The following ADAM2 variants were observed in gnomAD, a reference collection of about 807,000 sequenced individuals.
ADAM2 encodes the protein ADAM metallopeptidase domain 2, also known as disintegrin and metalloproteinase domain-containing protein 2.
Under a neutral mutation model 99.3 loss-of-function variants are expected in ADAM2, and 101 were observed. The observed-to-expected ratio is 1.02, with a 90% CI of 0.87 to 1.20. The LOEUF (loss-of-function observed/expected upper bound fraction) is 1.20. Among genes scored for constraint, ADAM2 ranks in the 50% most tolerant of loss-of-function variants. The pLI is 0.00. For missense variants in ADAM2, 948 were observed against 878.7 expected (o/e 1.08, Z -1.00); for synonymous variants, 323 against 287.6 (o/e 1.12, Z -1.25).
intron 19 of ADAM2, among the ~76,000 whole-genome samples, chr8:39,746,226 C>T (rs201976): frequency 0.58 from 88,245 of 151,800 alleles, 25,857 homozygotes; most frequent in East Asian, 0.86. Context: ...GGGGTTTCAT[C>T]ATGTTGCCCA....
chr8:39,762,095 A>C (rs1036603592), intron 14 of ADAM2, among the ~76,000 whole-genome samples: 7 of 152,046 alleles, frequency 4.6e-5, no homozygotes, highest in African/African-American at 1.7e-4. Flanking sequence ...AAGGAAAAAG[A>C]AAAAAAAGCT....
intron 6 of ADAM2, among the ~76,000 whole-genome samples, chr8:39,810,501 G>T (rs1319392360): frequency 1.3e-5 from 2 of 152,066 alleles, no homozygotes; most frequent in Non-Finnish European, 2.9e-5. Context: ...GCACCACATC[G>T]CACTTATTCC....
chr8:39,808,567 G>C (rs1041144892), intron 7 of ADAM2, among the ~76,000 whole-genome samples: 2 of 152,118 alleles, frequency 1.3e-5, no homozygotes, highest in African/African-American at 2.4e-5. Context: ...AAATGGATAA[G>C]GTGGTCTTAA....
chr8:39,756,735 C>A (rs1802164511), intron 15 of ADAM2, among the ~76,000 whole-genome samples: 1 of 152,294 alleles, frequency 6.6e-6, no homozygotes, highest in Middle Eastern at 3.4e-3. Flanking sequence ...CCTGAAGTGG[C>A]CAGGAGTCAT....
At chr8:39,776,296 A>G (rs1193738060) in intron 11 of ADAM2, among the ~76,000 whole-genome samples, 1 of 152,136 alleles carries the variant, frequency 6.6e-6, no homozygotes, top group Non-Finnish European at 1.5e-5. Context: ...AGAGCCTGAG[A>G]CAAGAACTTA....
At chr8:39,819,565 G>A (rs936603950) in intron 6 of ADAM2, among the ~76,000 whole-genome samples, 13 of 152,094 alleles carry the variant, frequency 8.5e-5, no homozygotes, top group African/African-American at 2.2e-4. Context: ...AGTTGGTAAA[G>A]CTCTAGTAAA....
Position 39,820,961 on chromosome 8 carries a change from G to A in ADAM2, c.513+41C>T, listed in dbSNP as rs111488020. 9.8e-6 allele frequency: 13 copies of A among 1,322,710 alleles called. No individual in the cohort carries two copies. In the African/African-American group the frequency reaches 1.2e-4, roughly 12 times the overall value. The allele number at this position is 1,322,710 out of a possible 1,614,324, so 81.9% of individuals were successfully genotyped here. A position where few individuals can be genotyped will look rare whatever the true frequency, so the allele number is the denominator to read the frequency against. On this transcript the variant is annotated intron_variant, in intron 6 of 20. Coordinates refer to ENST00000265708, the MANE Select transcript of ADAM2 (RefSeq NM_001464.5). ...TATAAATTTCAGTGCTTACATTGCT[G>A]TATAGTAATAACCATAGAGTTTGTT...
At chr8:39,813,823 C>T (rs984554556) in intron 6 of ADAM2, among the ~76,000 whole-genome samples, 4 of 151,794 alleles carry the variant, frequency 2.6e-5, no homozygotes, top group Non-Finnish European at 4.4e-5. Flanking sequence ...ATGTAAATGA[C>T]GAGTTAATGG....
intron 16 of ADAM2, among the ~76,000 whole-genome samples, 187 bp downstream of exon 16, chr8:39,755,541 G>A (rs1802114925): frequency 2.6e-5 from 4 of 152,084 alleles, no homozygotes; most frequent in African/African-American, 4.8e-5. Flanking sequence ...CGGGTGTGGT[G>A]GTACCACCTG....
Position 39,824,818 on chromosome 8 carries a change from C to T in ADAM2, c.267+1G>A. 6.6e-7 allele frequency: 1 copy of T among 1,509,736 alleles called. No individual in the cohort carries two copies. Among genetic ancestry groups the T allele is most frequent in the Non-Finnish European group, 9.1e-7 (1 of 1,093,248 alleles). The allele number at this position is 1,509,736 out of a possible 1,614,324, so 93.5% of individuals were successfully genotyped here. On this transcript the variant is annotated splice_donor_variant, in intron 4 of 20. Coordinates refer to ENST00000265708, the MANE Select transcript of ADAM2 (RefSeq NM_001464.5). LOFTEE classifies it high-confidence loss of function. ...AATAAAAGAGATCATAAAAAACATA[C>T]CTGAAAATCTTGGTCAAGTGGTTTC...
chr8:39,834,024 A>G, intron 2 of ADAM2, 25 bp from the exon 3 acceptor site: 2 of 1,438,212 alleles, frequency 1.4e-6, no homozygotes, highest in Non-Finnish European at 1.9e-6. Flanking sequence ...CAGTAAAAAT[A>G]CAAAGAAAAT....
chr8:39,746,926 G>T (rs1208523567), intron 18 of ADAM2, among the ~76,000 whole-genome samples: 2 of 152,066 alleles, frequency 1.3e-5, no homozygotes, highest in Non-Finnish European at 2.9e-5. Flanking sequence ...TTCCTTGTTT[G>T]AATTTGGCAT....
At chr8:39,758,215 G>C (rs972973382) in intron 15 of ADAM2, among the ~76,000 whole-genome samples, 1 of 151,994 alleles carries the variant, frequency 6.6e-6, no homozygotes, top group East Asian at 1.9e-4. Context: ...TGACTGACAG[G>C]CTTGAGAGGT....
chr8:39,786,963 C>T lies in ADAM2; in HGVS notation c.891+11G>A, dbSNP rs764381520. The T allele has an allele frequency of 1.3e-6, 2 of 1,565,950 alleles. No homozygotes were observed. The highest frequency in any genetic ancestry group is 8.7e-7 in the Non-Finnish European group (1 of 1,150,838). On this transcript the variant is annotated intron_variant, in intron 10 of 20. Transcript: ENST00000265708. The stretch of plus-strand genomic sequence containing the variant: ...TATGTAGCATACTTTCTATACATAA[C>T]CATACCATACCAGAACAACACCTCC...
intron 11 of ADAM2, 64 bp from the exon 12 acceptor site, chr8:39,769,639 T>C (rs768440418): frequency 2.4e-4 from 272 of 1,132,646 alleles, no homozygotes; most frequent in Non-Finnish European, 3.3e-4. Flanking sequence ...ACCCTTAGAA[T>C]AAACCTATAC....
chr8:39,754,464 G>A (rs75433946), intron 16 of ADAM2, among the ~76,000 whole-genome samples: 2,252 of 152,168 alleles, frequency 0.015, 63 homozygotes, highest in African/African-American at 0.052. Flanking sequence ...CTCACATAAC[G>A]TATTTTAGCC....
intron 6 of ADAM2, among the ~76,000 whole-genome samples, chr8:39,810,018 T>G (rs1804627048): frequency 6.6e-6 from 1 of 152,140 alleles, no homozygotes; most frequent in Non-Finnish European, 1.5e-5. Flanking sequence ...GACCCATCAG[T>G]GTGCTGTATT....
chr8:39,771,856 TGCAA>T (rs1307229074), intron 11 of ADAM2, among the ~76,000 whole-genome samples: 1 of 151,994 alleles, frequency 6.6e-6, no homozygotes, highest in Non-Finnish European at 1.5e-5. Context: ...AACCAGGCAA[TGCAA>T]GATACATTTA....
At chr8:39,778,293 T>C (rs1422252959) in intron 10 of ADAM2, among the ~76,000 whole-genome samples, 1 of 152,012 alleles carries the variant, frequency 6.6e-6, no homozygotes, top group African/African-American at 2.4e-5. Flanking sequence ...TTTTCTACCT[T>C]GCCCTCCACC....
Sources: gnomAD v4.1 joint callset for allele counts (sites outside exome capture counted in the v4.1 genomes callset) on GRCh38, gnomAD v4.1.1 for gene constraint, MANE v1.5 for transcripts, NCBI Gene and HGNC (gene_info 2026-07-23, HGNC 2026-07-21) for gene names.